The following SGIP1 variants were observed in gnomAD, a reference collection of about 807,000 sequenced individuals.
SGIP1 encodes SH3-containing GRB2-like protein 3-interacting protein 1.
SGIP1 carries 38 observed loss-of-function variants against 107.5 expected under a neutral mutation model. The observed-to-expected ratio is 0.35, with a 90% confidence interval of 0.27 to 0.46. The LOEUF is 0.46. Ranked by LOEUF, SGIP1 falls within the 20% of genes least tolerant of loss-of-function variation. The pLI is 1.00. For synonymous variants in SGIP1, 365 were observed against 366.1 expected (o/e 1.00, Z 0.03); for missense variants, 929 against 1,019.5 (o/e 0.91, Z 1.21).
chr1:66,735,394 C>T (rs1388624925), intron 21 of SGIP1, among the ~76,000 whole-genome samples: 4 of 151,520 alleles, frequency 2.6e-5, no homozygotes, highest in Non-Finnish European at 5.9e-5. Context: ...TTTGTATTTT[C>T]GATAGAGACG....
intron 20 of SGIP1, 32 bp downstream of exon 20, chr1:66,729,451 A>G: frequency 6.2e-7 from 1 of 1,613,638 alleles, no homozygotes; most frequent in Non-Finnish European, 8.5e-7. Flanking sequence ...TTTTTCAGAG[A>G]TACATGTGGC....
intron 18 of SGIP1, among the ~76,000 whole-genome samples, chr1:66,716,231 A>C (rs1336588777): frequency 6.6e-6 from 1 of 152,134 alleles, no homozygotes; most frequent in African/African-American, 2.4e-5. Context: ...TCCACTAGAG[A>C]GTTCCTTCGC....
chr1:66,639,922 G>A, intron 5 of SGIP1, 89 bp downstream of exon 5: 1 of 1,030,172 alleles, frequency 9.7e-7, no homozygotes, highest in African/African-American at 1.6e-5. Flanking sequence ...TTAGAAATAA[G>A]CGAAATGCTC....
rs1260694112 is a variant in SGIP1 at position 66,748,271 on chromosome 1, T to C, written c.*5176T>C. ...ATGAGATAGGAGTACATTGCTTAAG[T>C]CTCTAAATATTAAAAACAACAACAA... On this transcript the variant is annotated 3_prime_UTR_variant, in exon 25 of 25. Coordinates refer to ENST00000371037, the MANE Select transcript of SGIP1 (RefSeq NM_032291.4). 2 of 152,006 alleles carry C rather than the reference T, an allele frequency of 1.3e-5. No homozygotes were observed. The highest frequency in any genetic ancestry group is 4.8e-5 in the African/African-American group (2 of 41,452). The allele number at this position is 152,006 out of a possible 1,614,324, so 9.4% of individuals were successfully genotyped here.
At chr1:66,709,073 G>A (rs1049579913) in intron 18 of SGIP1, among the ~76,000 whole-genome samples, 3 of 151,816 alleles carry the variant, frequency 2.0e-5, no homozygotes, top group East Asian at 1.9e-4. Context: ...GGATACATGC[G>A]CAGAACGTGC....
At chr1:66,545,073 C>G (rs958720692) in intron 1 of SGIP1, among the ~76,000 whole-genome samples, 3 of 152,124 alleles carry the variant, frequency 2.0e-5, no homozygotes, top group Non-Finnish European at 4.4e-5. Context: ...TCTCTTTCAT[C>G]CCCTGCTAAC....
intron 1 of SGIP1, among the ~76,000 whole-genome samples, chr1:66,561,483 T>C (rs1011105660): frequency 4.6e-5 from 7 of 152,142 alleles, no homozygotes; most frequent in Admixed American, 1.3e-4. Context: ...CCATAGAACA[T>C]AGCAGAACTT....
chr1:66,625,782 C>A, intron 1 of SGIP1, 65 bp from the exon 2 acceptor site: 2 of 1,454,162 alleles, frequency 1.4e-6, no homozygotes, highest in South Asian at 1.2e-5. Flanking sequence ...TGTGTTACAA[C>A]CTTCAAAATA....
chr1:66,575,163 G>C (rs1029113620), intron 1 of SGIP1, among the ~76,000 whole-genome samples: 1 of 152,082 alleles, frequency 6.6e-6, no homozygotes, highest in Admixed American at 6.6e-5. Flanking sequence ...AGAAGGCTTG[G>C]GTATATATGT....
At chr1:66,698,242 G>C (rs923688750) in intron 18 of SGIP1, among the ~76,000 whole-genome samples, 3 of 152,004 alleles carry the variant, frequency 2.0e-5, no homozygotes, top group Non-Finnish European at 2.9e-5. Context: ...AAGTGTTAGT[G>C]GTTCTAATTC....
intron 1 of SGIP1, among the ~76,000 whole-genome samples, chr1:66,610,902 A>C (rs796582709): frequency 2.6e-5 from 4 of 152,240 alleles, no homozygotes; most frequent in African/African-American, 9.6e-5. Flanking sequence ...CAAACATTGT[A>C]TGCTCTCACT....
At chr1:66,736,216 T>G (rs961571380) in intron 21 of SGIP1, among the ~76,000 whole-genome samples, 73 of 145,316 alleles carry the variant, frequency 5.0e-4, no homozygotes, top group African/African-American at 1.8e-3. Flanking sequence ...ATATAAATAT[T>G]TATACAAATA....
intron 1 of SGIP1, among the ~76,000 whole-genome samples, chr1:66,586,197 C>G (rs772458305): frequency 4.0e-5 from 6 of 151,846 alleles, no homozygotes; most frequent in South Asian, 2.1e-4. Flanking sequence ...ATATATTTTC[C>G]CATGTTTTGC....
chr1:66,656,030 A>G (rs947880786), intron 7 of SGIP1, among the ~76,000 whole-genome samples: 2 of 152,008 alleles, frequency 1.3e-5, no homozygotes, highest in African/African-American at 4.8e-5. Context: ...CTTTCTTTGT[A>G]GTATTTAAGG....
At chr1:66,567,621 G>T (rs1233590303) in intron 1 of SGIP1, among the ~76,000 whole-genome samples, 1 of 152,066 alleles carries the variant, frequency 6.6e-6, no homozygotes, top group African/African-American at 2.4e-5. Context: ...TTCTTCTAGG[G>T]TTTTTATGGT....
Position 66,739,382 on chromosome 1 carries a change from T to C in SGIP1, c.2079T>C (p.Asn693=), listed in dbSNP as rs145345381. ...CCACACCTCTGAACCTGGCAGTGAATTGGCGATGTGAGCCTTCAAGCACTG... is the reference window on the plus strand; with the variant it reads ...CCACACCTCTGAACCTGGCAGTGAACTGGCGATGTGAGCCTTCAAGCACTG... ...IQSTPLNLAV[N]WRCEPSSTDL... Residue 693 remains asparagine, a synonymous_variant, in exon 22 of 25, where the codon AAT becomes AAC. Transcript: ENST00000371037. The C allele has an allele frequency of 2.7e-4, 441 of 1,610,230 alleles. 3 individuals are homozygous for C. The African/African-American group carries it at 5.2e-3, about 19-fold the overall frequency.
At chr1:66,538,172 A>G (rs1218934912) in intron 1 of SGIP1, among the ~76,000 whole-genome samples, 1 of 152,168 alleles carries the variant, frequency 6.6e-6, no homozygotes, top group Non-Finnish European at 1.5e-5. Context: ...CTAGAAACAG[A>G]GTTTTACTAA....
chr1:66,699,271 G>A (rs2091504815), intron 18 of SGIP1, among the ~76,000 whole-genome samples: 1 of 151,992 alleles, frequency 6.6e-6, no homozygotes, highest in African/African-American at 2.4e-5. Context: ...GCTCCCTATT[G>A]CTGCTTCCAA....
At chr1:66,640,474 A>T (rs111534835) in intron 5 of SGIP1, among the ~76,000 whole-genome samples, 22 of 152,302 alleles carry the variant, frequency 1.4e-4, no homozygotes, top group African/African-American at 5.1e-4. Flanking sequence ...CCTAACATAT[A>T]CATAGAGGCT....
Sources: gnomAD v4.1 joint callset for allele counts (sites outside exome capture counted in the v4.1 genomes callset) on GRCh38, gnomAD v4.1.1 for gene constraint, MANE v1.5 for transcripts, NCBI Gene and HGNC (gene_info 2026-07-23, HGNC 2026-07-21) for gene names.